Variants in SCOC observed in about 807,000 individuals in gnomAD.
SCOC encodes the protein short coiled coil protein.
SCOC carries 7 observed loss-of-function variants against 9.9 expected under a neutral mutation model. That is an observed-to-expected ratio of 0.71 (90% CI 0.40 to 1.33). SCOC has a LOEUF of 1.33. Ranked by LOEUF, SCOC falls within the 40% of genes most tolerant of loss-of-function variation. SCOC has a pLI of 0.01. For missense variants in SCOC, 66 were observed against 89.7 expected (o/e 0.74, Z 1.07); for synonymous variants, 19 against 28.2 (o/e 0.67, Z 1.03).
intron 1 of SCOC, among the ~76,000 whole-genome samples, chr4:140,328,062 C>T (rs774277991): frequency 6.6e-6 from 1 of 152,162 alleles, no homozygotes; most frequent in African/African-American, 2.4e-5. Context: ...CCAGACTCCT[C>T]GTGCTTCTGC....
chr4:140,274,612 G>A lies in SCOC; in HGVS notation c.-19+17202G>A, dbSNP rs145833698. 3.3e-3 allele frequency among the ~76,000 whole-genome samples: 505 copies of A among 152,288 alleles called. 2 individuals are homozygous for A. Among genetic ancestry groups the A allele is most frequent in the African/African-American group, 0.012 (485 of 41,568 alleles). On this transcript the variant is annotated intron_variant, in intron 1 of 4. Coordinates refer to the SCOC transcript ENST00000394205. ...CAGCAGCTGTGTTCTGCCGCAAAAA[G>A]GGAGAACTGTATTTAATATTCCCTT... is the stretch of plus-strand genomic sequence containing the variant.
intron 2 of SCOC, among the ~76,000 whole-genome samples, chr4:140,362,096 G>A (rs1346830815): frequency 8.9e-6 from 1 of 111,990 alleles, no homozygotes; most frequent in Non-Finnish European, 2.0e-5. Flanking sequence ...TTAGTAGCAA[G>A]GCTTTCTTTA....
chr4:140,296,063 A>AT (rs1364867411), intron 1 of SCOC, among the ~76,000 whole-genome samples: 3 of 151,832 alleles, frequency 2.0e-5, no homozygotes, highest in East Asian at 1.9e-4. Flanking sequence ...AGGAATCTGC[A>AT]TTTTTTAAAA....
intron 2 of SCOC, among the ~76,000 whole-genome samples, chr4:140,368,341 C>T (rs1447424726): frequency 6.6e-6 from 1 of 152,130 alleles, no homozygotes; most frequent in Non-Finnish European, 1.5e-5. Context: ...AACATGTTAA[C>T]ATCTGTGAAT....
chr4:140,332,225 T>C (rs184773136), intron 1 of SCOC, among the ~76,000 whole-genome samples: 1 of 152,200 alleles, frequency 6.6e-6, no homozygotes, highest in African/African-American at 2.4e-5. Context: ...TATCAGATGT[T>C]TAAAAGCATC....
chr4:140,315,718 A>G (rs559763180), intron 1 of SCOC, among the ~76,000 whole-genome samples: 1 of 152,278 alleles, frequency 6.6e-6, no homozygotes, highest in South Asian at 2.1e-4. Context: ...GGGATAACCT[A>G]CCACTCTCAG....
At chr4:140,355,738 T>C (rs960911890) in intron 2 of SCOC, among the ~76,000 whole-genome samples, 1 of 152,078 alleles carries the variant, frequency 6.6e-6, no homozygotes, top group Non-Finnish European at 1.5e-5. Context: ...TGCTCAGACA[T>C]GAAAGATAGA....
At chr4:140,287,428 C>A (rs1392408361) in intron 1 of SCOC, among the ~76,000 whole-genome samples, 7 of 150,630 alleles carry the variant, frequency 4.6e-5, no homozygotes, top group African/African-American at 7.3e-5. Flanking sequence ...ACTACACAGA[C>A]CATGCACATA....
At chr4:140,341,618 A>G (rs534865655), upstream of SCOC, among the ~76,000 whole-genome samples, 114 of 152,358 alleles carry the variant, frequency 7.5e-4, no homozygotes, top group Middle Eastern at 3.4e-3. Context: ...TTCCTAAAAT[A>G]CTGGTCCATG....
exon 2 of SCOC, chr4:140,343,679 T>G: frequency 1.9e-6 from 3 of 1,613,654 alleles, no homozygotes; most frequent in Non-Finnish European, 2.5e-6. Flanking sequence ...GACAGCACAT[T>G]CACCAACATT....
At chr4:140,352,636 G>A (rs907216763) in intron 2 of SCOC, among the ~76,000 whole-genome samples, 2 of 152,276 alleles carry the variant, frequency 1.3e-5, no homozygotes, top group Non-Finnish European at 1.5e-5. Context: ...GCAAAAACTA[G>A]TTTCAGTAAA....
chr4:140,277,433 C>T (rs941302908), intron 1 of SCOC, among the ~76,000 whole-genome samples: 3 of 152,128 alleles, frequency 2.0e-5, no homozygotes, highest in Admixed American at 6.5e-5. Context: ...TCCTATTCTT[C>T]GTGCTATTCC....
At chr4:140,347,680 T>TCAAACA (rs1726796839) in intron 2 of SCOC, among the ~76,000 whole-genome samples, 1 of 152,124 alleles carries the variant, frequency 6.6e-6, no homozygotes, top group South Asian at 2.1e-4. Context: ...AATCGCAAAT[T>TCAAACA]CAAACACCTT....
intron 1 of SCOC, among the ~76,000 whole-genome samples, chr4:140,327,282 C>T (rs1386372354): frequency 2.6e-5 from 4 of 152,204 alleles, no homozygotes; most frequent in Admixed American, 6.5e-5. Flanking sequence ...TCTTTGTCTT[C>T]AGTCTTTGCC....
intron 1 of SCOC, among the ~76,000 whole-genome samples, chr4:140,305,592 A>C (rs544510324): frequency 6.6e-6 from 1 of 152,230 alleles, no homozygotes; most frequent in Admixed American, 6.5e-5. Flanking sequence ...ACTTGCTGAC[A>C]GGCTGTATAA....
intron 2 of SCOC, among the ~76,000 whole-genome samples, chr4:140,351,604 C>T (rs1726981865): frequency 6.6e-6 from 1 of 151,950 alleles, no homozygotes; most frequent in Admixed American, 6.6e-5. Context: ...TTGTTGTGTG[C>T]TTTTATTCAG....
chr4:140,348,209 ATTGTTT>A lies in SCOC; in HGVS notation c.70+4504_70+4509del, dbSNP rs1382975730. ...TTTGAAATATTTAAGTATACAATAT[ATTGTTT>A]TTAACTATAGTTGCCGTGATGTACA... On this transcript the variant is annotated intron_variant, in intron 2 of 4. Transcript: ENST00000338517. Among the ~76,000 whole-genome samples, 3 of 152,246 alleles carry A rather than the reference ATTGTTT, an allele frequency of 2.0e-5. No homozygotes were observed. The East Asian group carries it at 5.8e-4, about 29-fold the overall frequency.
At chr4:140,257,675 C>T (rs946571891) in intron 1 of SCOC, among the ~76,000 whole-genome samples, 3 of 152,154 alleles carry the variant, frequency 2.0e-5, no homozygotes, top group Non-Finnish European at 2.9e-5. Context: ...ATAATAATAG[C>T]TCTCATAAGT....
At chr4:140,362,301 T>TCTTCTTCTTCTTCTTCTTC in intron 2 of SCOC, among the ~76,000 whole-genome samples, 12 of 29,406 alleles carry the variant, frequency 4.1e-4, no homozygotes, top group African/African-American at 1.1e-3. Context: ...TTCTTCTTCT[T>TCTTCTTCTTCTTCTTCTTC]TTTTTTTTTT....
Sources: allele counts gnomAD v4.1 joint callset (sites outside exome capture counted in the v4.1 genomes callset), GRCh38; gene constraint gnomAD v4.1.1; transcripts MANE v1.5; gene names NCBI Gene and HGNC (gene_info 2026-07-23, HGNC 2026-07-21).